BCL2L12: variants seen among roughly 807,000 people sequenced by gnomAD.
BCL2L12 encodes the protein bcl-2-like protein 12.
BCL2L12 carries 27 observed loss-of-function variants against 25.7 expected under a neutral mutation model. The observed-to-expected ratio is 1.05, with a 90% CI of 0.78 to 1.45. The LOEUF (loss-of-function observed/expected upper bound fraction) is 1.45, where lower values mean the gene tolerates loss of function less well. Ranked by LOEUF, BCL2L12 falls within the 40% of genes most tolerant of loss-of-function variation. The pLI is 0.00. For synonymous variants in BCL2L12, 132 were observed against 145.6 expected (o/e 0.91, Z 0.67); for missense variants, 302 against 329.8 (o/e 0.92, Z 0.65).
At chr19:49,665,693 A>C, upstream of BCL2L12, 8 of 1,237,930 alleles carry the variant, frequency 6.5e-6, no homozygotes, top group Non-Finnish European at 8.9e-6. Flanking sequence ...AGCTCCGGGT[A>C]GCTCTCAAAC....
intron 3 of BCL2L12, 64 bp from the exon 4 acceptor site, chr19:49,668,787 G>A: frequency 6.8e-7 from 1 of 1,463,978 alleles, no homozygotes; most frequent in Non-Finnish European, 9.5e-7. Flanking sequence ...GGTAGTTGGG[G>A]GAAGGAGAGA....
upstream of BCL2L12, chr19:49,665,673 C>G (rs973633918): frequency 1.1e-5 from 12 of 1,083,746 alleles, no homozygotes; most frequent in East Asian, 9.8e-5. Flanking sequence ...GGAACCCACC[C>G]CTGTCTTGGA....
chr19:49,666,689 C>T lies in BCL2L12; in HGVS notation c.-4C>T. 6.4e-7 allele frequency: 1 copy of T among 1,551,730 alleles called. No homozygotes were observed. Among genetic ancestry groups the T allele is most frequent in the Non-Finnish European group, 8.7e-7 (1 of 1,146,924 alleles). ...CCCTAACCCTCTCTCTCACAGGTGC[C>T]TCCATGGCAGGCTCTGAAGAGCTGG... On this transcript the variant is annotated 5_prime_UTR_variant, in exon 2 of 7. Coordinates refer to ENST00000246784, the MANE Select transcript of BCL2L12 (RefSeq NM_138639.2).
At chr19:49,671,043 TC>T (rs1221464092) in intron 6 of BCL2L12, among the ~76,000 whole-genome samples, 1 of 152,076 alleles carries the variant, frequency 6.6e-6, no homozygotes. Context: ...GTGCCTGTAA[TC>T]CCAGCTACCG....
At chr19:49,669,701 G>A (rs2081911943) in intron 5 of BCL2L12, among the ~76,000 whole-genome samples, 1 of 152,006 alleles carries the variant, frequency 6.6e-6, no homozygotes, top group Non-Finnish European at 1.5e-5. Flanking sequence ...AGCTGGGGAA[G>A]TAAGTGAATG....
At chr19:49,669,537 A>C (rs910216642) in intron 5 of BCL2L12, among the ~76,000 whole-genome samples, 1 of 134,594 alleles carries the variant, frequency 7.4e-6, no homozygotes, top group Admixed American at 7.4e-5. Context: ...CTCTGTCTTT[A>C]AAAAAAAAAA....
chr19:49,667,916 G>A (rs781129815), intron 3 of BCL2L12, among the ~76,000 whole-genome samples: 7 of 151,944 alleles, frequency 4.6e-5, no homozygotes, highest in Non-Finnish European at 1.0e-4. Context: ...GAGTGACTGG[G>A]ATTACAGGTG....
upstream of BCL2L12, chr19:49,665,729 T>C (rs1320960172): frequency 4.1e-6 from 6 of 1,473,804 alleles, no homozygotes; most frequent in Admixed American, 2.2e-5. Flanking sequence ...CCCTTTCCCG[T>C]CAGCTGAGCT....
rs1160669026 is a variant in BCL2L12, at chr19:49,670,411, C to G, written c.625C>G (p.Leu209Val). The G allele has an allele frequency of 6.5e-7, 1 of 1,544,404 alleles. No individual in the cohort carries two copies. Among genetic ancestry groups the G allele is most frequent in the East Asian group, 2.4e-5 (1 of 41,120 alleles). The part of the protein sequence containing the change: ...AMELSRRVAG[L>V]GGTLAGLSVE... ...GGAGCTGAGCCGGCGCGTGGCCGGG[C>G]TGGGGGGCACCCTGGCCGGACTCAG... is the stretch of plus-strand genomic sequence containing the variant. Residue 209 changes from leucine (L) to valine (V), a missense_variant, in exon 6 of 7, where the codon CTG (leucine) becomes GTG (valine). Coordinates refer to ENST00000246784, the MANE Select transcript of BCL2L12 (RefSeq NM_138639.2).
rs544779018 is a variant in BCL2L12, at chr19:49,665,992, C to T, written c.-84C>T. On this transcript the variant is annotated 5_prime_UTR_variant, in exon 1 of 7. Coordinates refer to ENST00000246784, the MANE Select transcript of BCL2L12 (RefSeq NM_138639.2). ...AGTGCGCAGGCGCGGGAAAGTTGAA[C>T]TAATAAAGTTTGTACGAGTTCAGTG... 7.8e-5 allele frequency: 126 copies of T among 1,606,816 alleles called. No homozygotes were observed. Among genetic ancestry groups the T allele is most frequent in the Admixed American group, 1.4e-4 (8 of 58,936 alleles).
chr19:49,666,557 C>T (rs2081774861), intron 1 of BCL2L12, 128 bp from the exon 2 acceptor site: 1 of 654,938 alleles, frequency 1.5e-6, no homozygotes, highest in African/African-American at 1.8e-5. Flanking sequence ...GCCCCCAGAC[C>T]CACACTCTCC....
chr19:49,665,685 C>G (rs561258503), upstream of BCL2L12: 14 of 1,202,264 alleles, frequency 1.2e-5, no homozygotes, highest in African/African-American at 1.5e-5. Flanking sequence ...TGTCTTGGAG[C>G]TCCGGGTAGC....
At chr19:49,668,483 A>G (rs1199636633) in intron 3 of BCL2L12, among the ~76,000 whole-genome samples, 1 of 152,048 alleles carries the variant, frequency 6.6e-6, no homozygotes, top group African/African-American at 2.4e-5. Context: ...AAGTTTTCTC[A>G]CTGGGCCTCA....
chr19:49,670,272 C>T lies in BCL2L12; in HGVS notation c.486C>T (p.Phe162=), dbSNP rs545979323. 2.9e-5 allele frequency: 47 copies of T among 1,610,800 alleles called. No individual in the cohort carries two copies. The East Asian group carries it at 1.0e-3, about 36-fold the overall frequency. ...SKLVRLSSDS[F]ARLVELFCSR... ...TGGTCCGCCTGTCCTCCGACTCTTT[C>T]GCCCGCCTGGTGGAGCTGTTCTGTA... The change falls in exon 6 of 7, where the codon TTC becomes TTT. Residue 162 remains phenylalanine, a synonymous_variant. Coordinates refer to ENST00000246784, the MANE Select transcript of BCL2L12 (RefSeq NM_138639.2).
chr19:49,666,116 G>C lies in BCL2L12; in HGVS notation c.-9+49G>C, dbSNP rs932610044. 76 of 1,509,800 alleles carry C rather than the reference G, an allele frequency of 5.0e-5. 1 individual carries two copies. The Middle Eastern group carries it at 2.6e-3, about 51-fold the overall frequency. 93.5% of individuals were successfully genotyped at this position (1,509,800 alleles called of 1,614,324 possible). On this transcript the variant is annotated intron_variant, in intron 1 of 6. Transcript: ENST00000246784. ...TGGGGTGAGGAGGGAAGAGGAGGGGGCCGGGATCCAGTGGTGGGCACCCCA... is the reference window on the plus strand; with the variant it reads ...TGGGGTGAGGAGGGAAGAGGAGGGGCCCGGGATCCAGTGGTGGGCACCCCA...
At chr19:49,673,322 A>G (rs1162295696) in intron 6 of BCL2L12, among the ~76,000 whole-genome samples, 1 of 151,968 alleles carries the variant, frequency 6.6e-6, no homozygotes, top group African/African-American at 2.4e-5. Flanking sequence ...GCAGAGAGGA[A>G]AAGTCCCCAG....
chr19:49,670,528 C>G (rs1417018179), intron 6 of BCL2L12, 40 bp downstream of exon 6: 1 of 1,527,190 alleles, frequency 6.5e-7, no homozygotes. Flanking sequence ...CTCACTTTAC[C>G]TAACTGTCAT....
At chr19:49,669,938 G>A (rs1309755809) in intron 5 of BCL2L12, among the ~76,000 whole-genome samples, 1 of 152,178 alleles carries the variant, frequency 6.6e-6, no homozygotes, top group African/African-American at 2.4e-5. Context: ...GGTCACCAGG[G>A]GCATGGCTAG....
chr19:49,667,159 C>T lies in BCL2L12; in HGVS notation c.248C>T (p.Pro83Leu). 6.2e-7 allele frequency: 1 copy of T among 1,610,342 alleles called. No homozygotes were observed. The highest frequency in any genetic ancestry group is 8.5e-7 in the Non-Finnish European group (1 of 1,177,056). The change falls in exon 3 of 7, where the codon CCT becomes CTT. Residue 83 changes from proline (P) to leucine (L), a missense_variant and splice_region_variant. Pro to Leu is a moderately conservative substitution (Grantham distance 98). Transcript: ENST00000246784. ...ATCCGCCCCTGCTATGGTTTAGAGC[C>T]TGGTAAGAGATTTCCATGATCATCT... The part of the protein sequence containing the change: ...LPIRPCYGLE[P>L]GPATPDFYAL...
Sources: allele counts gnomAD v4.1 joint callset (sites outside exome capture counted in the v4.1 genomes callset), GRCh38; gene constraint gnomAD v4.1.1; transcripts MANE v1.5; gene names NCBI Gene and HGNC (gene_info 2026-07-23, HGNC 2026-07-21).